The following HMGB1 variants were observed in gnomAD, a reference collection of about 807,000 sequenced individuals.
HMGB1 encodes the protein high mobility group box 1, also known as high mobility group protein B1.
For missense variants in HMGB1, 79 were observed against 253.5 expected (o/e 0.31, Z 4.67); for synonymous variants, 81 against 84.0 (o/e 0.96, Z 0.19).
intron 1 of HMGB1, among the ~76,000 whole-genome samples, chr13:30,563,210 C>T (rs1366594785): frequency 6.6e-6 from 1 of 152,220 alleles, no homozygotes; most frequent in Non-Finnish European, 1.5e-5. Flanking sequence ...TCTAGATGTT[C>T]TCTGTTCAAA....
chr13:30,483,289 A>C lies in HMGB1; in HGVS notation c.-14-19595T>G, dbSNP rs1045196886. On this transcript the variant is annotated intron_variant, in intron 1 of 4. Coordinates refer to the HMGB1 transcript ENST00000405805. ...AGAATCACCTTTGTGCTCATCATTAAAACTTCCTCTGGGGGTCCTCTCACT... is the reference window on the plus strand; with the variant it reads ...AGAATCACCTTTGTGCTCATCATTACAACTTCCTCTGGGGGTCCTCTCACT... Among the ~76,000 whole-genome samples the C allele has an allele frequency of 2.6e-4, 40 of 152,052 alleles. 1 individual carries two copies. Among genetic ancestry groups the C allele is most frequent in the Non-Finnish European group, 5.9e-5 (4 of 67,990 alleles).
chr13:30,538,351 A>C (rs1455850889), intron 1 of HMGB1, among the ~76,000 whole-genome samples: 2 of 152,230 alleles, frequency 1.3e-5, no homozygotes, highest in Non-Finnish European at 2.9e-5. Flanking sequence ...GAGGGGAAAG[A>C]AAGCATTTGG....
In HMGB1 at chr13:30,538,547, TTC is replaced by T. The variant is rs1491460764; in HGVS notation, c.-14-74855_-14-74854del. Reference sequence around the variant, plus strand: ...TCCTTTCTTTCTTTCCTTTCTTTCTTTCTTTCTTTTTCTTTCTTCTTTTTCTT... The same window carrying T: ...TCCTTTCTTTCTTTCCTTTCTTTCTTTTTCTTTTTCTTTCTTCTTTTTCTT... On this transcript the variant is annotated intron_variant, in intron 1 of 4. Transcript: ENST00000405805. Among the ~76,000 whole-genome samples the T allele has an allele frequency of 1.4e-3, 181 of 127,976 alleles. 13 individuals carry two copies. The highest frequency in any genetic ancestry group is 5.4e-3 in the Admixed American group (74 of 13,720). The allele number at this position is 127,976 out of a possible 152,430, so 84.0% of individuals were successfully genotyped here. A position where few individuals can be genotyped will look rare whatever the true frequency, so the allele number is the denominator to read the frequency against.
Position 30,518,807 on chromosome 13 carries a change from G to A in HMGB1, c.-14-55113C>T, listed in dbSNP as rs138088053. Among the ~76,000 whole-genome samples the A allele has an allele frequency of 6.8e-4, 99 of 145,416 alleles. 1 individual carries two copies. The East Asian group carries it at 0.017, about 25-fold the overall frequency. ...TGCAGCCTCAACTTCCCAGGCTCAA[G>A]CGAGCCTCCCACCTCAGCCTCCCAA... is the stretch of plus-strand genomic sequence containing the variant. On this transcript the variant is annotated intron_variant, in intron 1 of 4. Transcript: ENST00000405805.
At chr13:30,510,968 T>C (rs1257379103) in intron 1 of HMGB1, among the ~76,000 whole-genome samples, 1 of 152,096 alleles carries the variant, frequency 6.6e-6, no homozygotes, top group East Asian at 1.9e-4. Flanking sequence ...GTCTAGCCAA[T>C]AGATAGTTTT....
chr13:30,553,689 C>A, intron 1 of HMGB1: 2 of 860,468 alleles, frequency 2.3e-6, no homozygotes, highest in Non-Finnish European at 3.9e-6. Flanking sequence ...CATCATTGAG[C>A]GGGAGTTCAA....
At chr13:30,592,134 C>T (rs1039180491) in intron 1 of HMGB1, among the ~76,000 whole-genome samples, 7 of 150,018 alleles carry the variant, frequency 4.7e-5, no homozygotes, top group Non-Finnish European at 7.4e-5. Flanking sequence ...TCTCTTTGGT[C>T]AATACTTGTC....
In HMGB1 at chr13:30,464,695, C is replaced by A; in HGVS notation, c.-14-1001G>T. 3 of 945,994 alleles carry A rather than the reference C, an allele frequency of 3.2e-6. No individual in the cohort carries two copies. The African/African-American group carries it at 5.4e-5, about 17-fold the overall frequency. The allele number at this position is 945,994 out of a possible 1,614,324, so 58.6% of individuals were successfully genotyped here. A position where few individuals can be genotyped will look rare whatever the true frequency, so the allele number is the denominator to read the frequency against. On this transcript the variant is annotated intron_variant, in intron 1 of 4. Transcript: ENST00000341423. Reference sequence around the variant, plus strand: ...CGGCGCGCACGGAATGGCCGCTGCGCGTCTTCTCCGCCTGCGCCGCCGCCG... The same window carrying A: ...CGGCGCGCACGGAATGGCCGCTGCGAGTCTTCTCCGCCTGCGCCGCCGCCG...
intron 1 of HMGB1, chr13:30,464,184 C>T (rs1886553907): frequency 3.0e-6 from 3 of 985,034 alleles, no homozygotes; most frequent in Non-Finnish European, 3.6e-6. Context: ...TTTCAAAAAA[C>T]ACCCTCTTTG....
At chr13:30,486,087 G>C (rs1394813775) in intron 1 of HMGB1, among the ~76,000 whole-genome samples, 2 of 152,180 alleles carry the variant, frequency 1.3e-5, no homozygotes, top group Admixed American at 1.3e-4. Flanking sequence ...GACAAGGCCA[G>C]ATAAATAAGG....
chr13:30,520,876 A>G (rs1888222490), intron 1 of HMGB1, among the ~76,000 whole-genome samples: 3 of 152,134 alleles, frequency 2.0e-5, no homozygotes. Flanking sequence ...CAAGCACGTG[A>G]TGATTTATCA....
rs1215514827 is a variant in HMGB1 at position 30,606,985 on chromosome 13, TTATAA to T, written c.-15+9681_-15+9685del. 1.4e-4 allele frequency among the ~76,000 whole-genome samples: 22 copies of T among 152,244 alleles called. 1 individual carries two copies. The highest frequency in any genetic ancestry group is 5.3e-4 in the African/African-American group (22 of 41,468). On this transcript the variant is annotated intron_variant, in intron 1 of 4. Coordinates refer to the HMGB1 transcript ENST00000405805. The stretch of plus-strand genomic sequence containing the variant: ...TACGTAGCATATTTTAAGAAATAAA[TTATAA>T]TCATTTTATTTCACTTATTGAACTT...
At chr13:30,504,021 C>CG (rs1165718070) in intron 1 of HMGB1, among the ~76,000 whole-genome samples, 1 of 40,048 alleles carries the variant, frequency 2.5e-5, no homozygotes, top group Non-Finnish European at 2.1e-4. Context: ...AAAAAATCAC[C>CG]ATTTTTTTTT....
In HMGB1 at chr13:30,461,224, AAG is replaced by A. The variant is rs1476381271; in HGVS notation, c.*131_*132del. The A allele has an allele frequency of 7.8e-7, 1 of 1,286,576 alleles. No individual in the cohort carries two copies. Among genetic ancestry groups the A allele is most frequent in the Non-Finnish European group, 1.0e-6 (1 of 952,858 alleles). The allele number at this position is 1,286,576 out of a possible 1,614,324, so 79.7% of individuals were successfully genotyped here. A position where few individuals can be genotyped will look rare whatever the true frequency, so the allele number is the denominator to read the frequency against. ...CGGTAGTGTGTTAACTATACAAAAA[AAG>A]ACACTGTACAGTTTAAAAACAAATC... On this transcript the variant is annotated 3_prime_UTR_variant, in exon 5 of 5. Coordinates refer to ENST00000341423, the MANE Select transcript of HMGB1 (RefSeq NM_002128.7).
chr13:30,572,606 C>T (rs1379052900), intron 1 of HMGB1, among the ~76,000 whole-genome samples: 1 of 152,174 alleles, frequency 6.6e-6, no homozygotes, highest in African/African-American at 2.4e-5. Flanking sequence ...AGCAAGATAT[C>T]AGAAGGGTAA....
chr13:30,528,141 G>A (rs1447929142), intron 1 of HMGB1, among the ~76,000 whole-genome samples: 1 of 152,228 alleles, frequency 6.6e-6, no homozygotes, highest in East Asian at 1.9e-4. Context: ...CAGTGACCAG[G>A]CAACCCGTCT....
At chr13:30,479,363 TC>T (rs1484108162) in intron 1 of HMGB1, among the ~76,000 whole-genome samples, 5 of 152,136 alleles carry the variant, frequency 3.3e-5, no homozygotes, top group Non-Finnish European at 5.9e-5. Context: ...GACTTCAGAC[TC>T]CTATTCCCAC....
chr13:30,513,178 A>G (rs1171968577), intron 1 of HMGB1, among the ~76,000 whole-genome samples: 1 of 152,142 alleles, frequency 6.6e-6, no homozygotes, highest in Non-Finnish European at 1.5e-5. Context: ...AAAAAAAACA[A>G]AAACAAAAAA....
At chr13:30,529,112 G>C (rs1417035239) in intron 1 of HMGB1, among the ~76,000 whole-genome samples, 1 of 150,894 alleles carries the variant, frequency 6.6e-6, no homozygotes, top group Non-Finnish European at 1.5e-5. Flanking sequence ...TTTATAATTC[G>C]GTATTTCTGG....
Sources: allele counts gnomAD v4.1 joint callset (sites outside exome capture counted in the v4.1 genomes callset), GRCh38; gene constraint gnomAD v4.1.1; transcripts MANE v1.5; gene names NCBI Gene and HGNC (gene_info 2026-07-23, HGNC 2026-07-21).